The following CNTNAP2 variants were observed in gnomAD, a reference collection of about 807,000 sequenced individuals.
CNTNAP2 encodes the protein contactin-associated protein-like 2.
In CNTNAP2, 98 loss-of-function variants were observed where a neutral mutation model predicts 155.2. That is an observed-to-expected ratio of 0.63 (90% CI 0.54 to 0.75). The LOEUF (loss-of-function observed/expected upper bound fraction) is 0.75. CNTNAP2 is among the 30% of genes least tolerant of loss of function. CNTNAP2 has a pLI of 0.00. For synonymous variants in CNTNAP2, 651 were observed against 631.2 expected (o/e 1.03, Z -0.47); for missense variants, 1,727 against 1,688.1 (o/e 1.02, Z -0.40).
At chr7:146,464,743 G>A (rs964311053) in intron 1 of CNTNAP2, among the ~76,000 whole-genome samples, 1 of 152,034 alleles carries the variant, frequency 6.6e-6, no homozygotes, top group East Asian at 1.9e-4. Flanking sequence ...CTAGCACCAC[G>A]CTTAGCACAC....
intron 1 of CNTNAP2, among the ~76,000 whole-genome samples, chr7:146,631,426 C>G (rs1799509559): frequency 6.6e-6 from 1 of 152,120 alleles, no homozygotes; most frequent in African/African-American, 2.4e-5. Flanking sequence ...GGGCATGCCT[C>G]CTACACTGAA....
chr7:146,531,299 T>A (rs1797765900), intron 1 of CNTNAP2, among the ~76,000 whole-genome samples: 1 of 152,062 alleles, frequency 6.6e-6, no homozygotes, highest in African/African-American at 2.4e-5. Context: ...GACAAAATAA[T>A]CTATACACCA....
At chr7:146,877,375 T>C (rs1207134464) in intron 3 of CNTNAP2, among the ~76,000 whole-genome samples, 1 of 151,876 alleles carries the variant, frequency 6.6e-6, no homozygotes, top group Non-Finnish European at 1.5e-5. Context: ...TGTGGTGCCA[T>C]GTGCCTGCAG....
chr7:147,197,664 C>T (rs1005303986), intron 8 of CNTNAP2, among the ~76,000 whole-genome samples: 2 of 152,130 alleles, frequency 1.3e-5, no homozygotes, highest in Non-Finnish European at 2.9e-5. Flanking sequence ...TAATACTCTG[C>T]GTGAATTAGA....
intron 14 of CNTNAP2, among the ~76,000 whole-genome samples, chr7:147,923,994 G>A (rs1800334161): frequency 6.6e-6 from 1 of 152,218 alleles, no homozygotes; most frequent in Non-Finnish European, 1.5e-5. Flanking sequence ...AATGCTGCCA[G>A]AGATGGCCAT....
chr7:146,398,526 C>T (rs76965253), intron 1 of CNTNAP2, among the ~76,000 whole-genome samples: 3,277 of 152,152 alleles, frequency 0.022, 96 homozygotes, highest in Non-Finnish European at 0.026. Flanking sequence ...ATATGAGATT[C>T]GGGTGGGGAC....
intron 10 of CNTNAP2, among the ~76,000 whole-genome samples, chr7:147,475,249 A>G (rs1234297565): frequency 1.3e-5 from 2 of 152,244 alleles, no homozygotes; most frequent in African/African-American, 2.4e-5. Context: ...ATAAATTCTT[A>G]GACATGAAAT....
chr7:146,886,629 T>G (rs1481079281), intron 3 of CNTNAP2, among the ~76,000 whole-genome samples: 1 of 151,956 alleles, frequency 6.6e-6, no homozygotes, highest in African/African-American at 2.4e-5. Context: ...TTTTTCTTTT[T>G]AGGCATTTCA....
chr7:147,223,206 C>CA (rs749673209), intron 8 of CNTNAP2, among the ~76,000 whole-genome samples: 1 of 152,188 alleles, frequency 6.6e-6, no homozygotes, highest in Non-Finnish European at 1.5e-5. Flanking sequence ...TTTCTATACC[C>CA]AACCTGTGAA....
chr7:147,304,906 G>T (rs1305369091), intron 9 of CNTNAP2, among the ~76,000 whole-genome samples: 1 of 152,086 alleles, frequency 6.6e-6, no homozygotes, highest in African/African-American at 2.4e-5. Flanking sequence ...GTCTGCTGAG[G>T]GCACATAATG....
At chr7:146,747,511 G>C (rs1175229163) in intron 1 of CNTNAP2, among the ~76,000 whole-genome samples, 1 of 152,110 alleles carries the variant, frequency 6.6e-6, no homozygotes, top group East Asian at 1.9e-4. Flanking sequence ...CTGTTTTATA[G>C]TGAAAAATGC....
intron 1 of CNTNAP2, among the ~76,000 whole-genome samples, chr7:146,413,018 C>T (rs1563074704): frequency 6.6e-6 from 1 of 152,012 alleles, no homozygotes; most frequent in Non-Finnish European, 1.5e-5. Flanking sequence ...GGCTGATTGT[C>T]GGTGAATCAG....
At chr7:147,144,276 T>C (rs776083329) in intron 8 of CNTNAP2, among the ~76,000 whole-genome samples, 2 of 152,190 alleles carry the variant, frequency 1.3e-5, no homozygotes, top group Non-Finnish European at 2.9e-5. Context: ...AGAGTAACTT[T>C]ATACGAGACA....
intron 21 of CNTNAP2, among the ~76,000 whole-genome samples, chr7:148,334,312 C>G (rs1798080621): frequency 6.6e-6 from 1 of 152,122 alleles, no homozygotes; most frequent in Non-Finnish European, 1.5e-5. Context: ...AAGAGAAGCA[C>G]AGTTCACTCT....
intron 1 of CNTNAP2, among the ~76,000 whole-genome samples, chr7:146,430,992 A>G (rs1039391507): frequency 6.6e-6 from 1 of 152,026 alleles, no homozygotes; most frequent in African/African-American, 2.4e-5. Flanking sequence ...TAAGGCTCCT[A>G]TATCTGTTTT....
rs1480324405 is a variant in CNTNAP2, at chr7:147,206,423, C to T, written c.1348+73914C>T. Reference sequence around the variant, plus strand: ...ACTAAAAATACAAAATTTAGCCAGGCATGGTGGTGTATGCCTGTAATCCCA... The same window carrying T: ...ACTAAAAATACAAAATTTAGCCAGGTATGGTGGTGTATGCCTGTAATCCCA... On this transcript the variant is annotated intron_variant, in intron 8 of 23. Coordinates refer to ENST00000361727, the MANE Select transcript of CNTNAP2 (RefSeq NM_014141.6). 3.3e-5 allele frequency among the ~76,000 whole-genome samples: 5 copies of T among 152,108 alleles called. No individual in the cohort carries two copies. The East Asian group carries it at 9.7e-4, about 29-fold the overall frequency.
chr7:147,567,646 A>C (rs144542570), intron 12 of CNTNAP2, among the ~76,000 whole-genome samples: 53 of 152,322 alleles, frequency 3.5e-4, no homozygotes, highest in Middle Eastern at 3.4e-3. Flanking sequence ...AATGGTAACC[A>C]CATGACATGG....
At chr7:146,877,189 A>C (rs138223972) in intron 3 of CNTNAP2, among the ~76,000 whole-genome samples, 266 of 152,152 alleles carry the variant, frequency 1.7e-3, no homozygotes, top group Admixed American at 6.4e-3. Flanking sequence ...GTAAAACATA[A>C]TTTTTTCGAC....
chr7:148,278,672 A>G (rs1264982195), intron 21 of CNTNAP2, among the ~76,000 whole-genome samples: 2 of 152,232 alleles, frequency 1.3e-5, no homozygotes, highest in Non-Finnish European at 2.9e-5. Context: ...CTAGGCACAG[A>G]ACAATGGATA....
Sources: gnomAD v4.1 joint callset for allele counts (sites outside exome capture counted in the v4.1 genomes callset) on GRCh38, gnomAD v4.1.1 for gene constraint, MANE v1.5 for transcripts, NCBI Gene and HGNC (gene_info 2026-07-23, HGNC 2026-07-21) for gene names.